Variants in CACNG2 observed in about 807,000 individuals in gnomAD.
CACNG2 encodes the protein calcium voltage-gated channel auxiliary subunit gamma 2.
In CACNG2, 3 loss-of-function variants were observed where a neutral mutation model predicts 25.9. The ratio of observed to expected loss-of-function variants is 0.12; its 90% confidence interval spans 0.05 to 0.30. The LOEUF is 0.30. CACNG2 is among the 10% of genes least tolerant of loss of function. The pLI is 1.00. For missense variants in CACNG2, 341 were observed against 432.5 expected, an observed-to-expected ratio of 0.79 and a Z score of 1.88; for synonymous variants, 167 against 173.3, an observed-to-expected ratio of 0.96 and a Z score of 0.29.
chr22:36,660,977 G>T (rs1283846268), intron 1 of CACNG2, among the ~76,000 whole-genome samples: 1 of 152,380 alleles, frequency 6.6e-6, no homozygotes, highest in South Asian at 2.1e-4. Flanking sequence ...CACAGGGCTT[G>T]GTGTACTGTG....
At chr22:36,653,257 G>A (rs899040399) in intron 1 of CACNG2, among the ~76,000 whole-genome samples, 1 of 152,200 alleles carries the variant, frequency 6.6e-6, no homozygotes. Flanking sequence ...CCGGGAGGTG[G>A]AGGTTGCAGT....
intron 1 of CACNG2, among the ~76,000 whole-genome samples, chr22:36,620,298 AT>A (rs1936086526): frequency 6.6e-6 from 1 of 152,250 alleles, no homozygotes; most frequent in Non-Finnish European, 1.5e-5. Context: ...CTTTCCTAGC[AT>A]AAGAACTTAA....
chr22:36,592,275 T>A (rs1006502771), intron 1 of CACNG2, among the ~76,000 whole-genome samples: 1 of 118,444 alleles, frequency 8.4e-6, no homozygotes, highest in Admixed American at 9.9e-5. Flanking sequence ...TCAATGCTTT[T>A]GAGCCTGGGG....
chr22:36,569,173 C>T (rs1935181991), intron 2 of CACNG2, among the ~76,000 whole-genome samples: 1 of 152,062 alleles, frequency 6.6e-6, no homozygotes, highest in African/African-American at 2.4e-5. Context: ...TGTTAAACAC[C>T]CATTCGGTGT....
At chr22:36,577,612 C>T (rs2283975) in intron 2 of CACNG2, among the ~76,000 whole-genome samples, 52,909 of 148,076 alleles carry the variant, frequency 0.36, 9,520 homozygotes, top group Non-Finnish European at 0.37. Context: ...ATCATGCCAC[C>T]GCGCTCCAGT....
At chr22:36,659,752 T>C (rs1936761494) in intron 1 of CACNG2, among the ~76,000 whole-genome samples, 2 of 152,046 alleles carry the variant, frequency 1.3e-5, no homozygotes, top group Admixed American at 6.5e-5. Context: ...AAGACCTGTG[T>C]TCAAATGCCA....
intron 1 of CACNG2, among the ~76,000 whole-genome samples, chr22:36,653,982 CTGTG>C (rs34435196): frequency 0.086 from 11,513 of 134,062 alleles, 1,577 homozygotes; most frequent in African/African-American, 0.3. Flanking sequence ...GTGTGTGTCT[CTGTG>C]TGTGTGTGTG....
chr22:36,655,226 G>A (rs576440425), intron 1 of CACNG2, among the ~76,000 whole-genome samples: 8 of 152,250 alleles, frequency 5.3e-5, no homozygotes, highest in Admixed American at 2.0e-4. Flanking sequence ...GCCACTTGGA[G>A]GTCTGTAATT....
intron 1 of CACNG2, among the ~76,000 whole-genome samples, chr22:36,641,665 T>C (rs1005042528): frequency 2.6e-5 from 4 of 152,230 alleles, no homozygotes; most frequent in African/African-American, 9.6e-5. Context: ...GACGATTCTC[T>C]AGGCAATTGA....
At chr22:36,662,886 C>T (rs960735770) in intron 1 of CACNG2, among the ~76,000 whole-genome samples, 1 of 152,098 alleles carries the variant, frequency 6.6e-6, no homozygotes, top group Admixed American at 6.5e-5. Context: ...CCATGGGACA[C>T]CTGGTTATGC....
At chr22:36,599,908 G>A (rs772869294) in intron 1 of CACNG2, among the ~76,000 whole-genome samples, 2 of 152,144 alleles carry the variant, frequency 1.3e-5, no homozygotes, top group African/African-American at 4.8e-5. Context: ...TTCCCAGAAC[G>A]TAGGCTTTAG....
intron 1 of CACNG2, among the ~76,000 whole-genome samples, chr22:36,663,156 GC>G (rs1936824313): frequency 1.3e-5 from 2 of 152,136 alleles, no homozygotes; most frequent in Non-Finnish European, 2.9e-5. Flanking sequence ...GGAGACCCTT[GC>G]CCAAGTCGGT....
At chr22:36,595,885 C>CA (rs1307964944) in intron 1 of CACNG2, among the ~76,000 whole-genome samples, 3 of 152,226 alleles carry the variant, frequency 2.0e-5, no homozygotes, top group Non-Finnish European at 4.4e-5. Context: ...CGTGGGCTGG[C>CA]ACAGCTCTGG....
At chr22:36,610,772 C>T (rs534115646) in intron 1 of CACNG2, among the ~76,000 whole-genome samples, 1 of 152,116 alleles carries the variant, frequency 6.6e-6, no homozygotes, top group South Asian at 2.1e-4. Flanking sequence ...CAGCGAAGAC[C>T]AAGGTCAGGG....
At chr22:36,687,287 T>C (rs1448719224) in intron 1 of CACNG2, among the ~76,000 whole-genome samples, 1 of 152,240 alleles carries the variant, frequency 6.6e-6, no homozygotes, top group Non-Finnish European at 1.5e-5. Context: ...AAACTTTTTG[T>C]TTTGTTTAAG....
chr22:36,582,455 G>C (rs1003758530), intron 2 of CACNG2, among the ~76,000 whole-genome samples: 1 of 150,150 alleles, frequency 6.7e-6, no homozygotes, highest in Non-Finnish European at 1.5e-5. Context: ...GTCCAGGCTG[G>C]AGTGCAATGG....
rs147958501 is a variant in CACNG2, at chr22:36,674,595, T to C, written c.211+27771A>G. 7.4e-4 allele frequency among the ~76,000 whole-genome samples: 113 copies of C among 152,296 alleles called. 1 individual carries two copies. Among genetic ancestry groups the C allele is most frequent in the African/African-American group, 2.4e-3 (101 of 41,562 alleles). The stretch of plus-strand genomic sequence containing the variant: ...CCACCTGCCTTAGCCTTCCAAAGTA[T>C]TGGGATTACAGGCGTGAGCCACCGC... On this transcript the variant is annotated intron_variant, in intron 1 of 3. Coordinates refer to ENST00000300105, the MANE Select transcript of CACNG2 (RefSeq NM_006078.5).
intron 1 of CACNG2, among the ~76,000 whole-genome samples, chr22:36,637,571 C>T (rs1306207292): frequency 2.0e-5 from 3 of 152,048 alleles, no homozygotes; most frequent in Non-Finnish European, 4.4e-5. Context: ...AGGCTCACCG[C>T]ACTCCACACT....
intron 1 of CACNG2, among the ~76,000 whole-genome samples, chr22:36,607,638 G>A (rs1323395574): frequency 6.6e-6 from 1 of 151,664 alleles, no homozygotes; most frequent in Non-Finnish European, 1.5e-5. Flanking sequence ...TAACCCATGA[G>A]AGCGGAAATA....
Sources: gnomAD v4.1 joint callset for allele counts (sites outside exome capture counted in the v4.1 genomes callset) on GRCh38, gnomAD v4.1.1 for gene constraint, MANE v1.5 for transcripts, NCBI Gene and HGNC (gene_info 2026-07-23, HGNC 2026-07-21) for gene names.